MAGI2: variants seen among roughly 807,000 people sequenced by gnomAD.
MAGI2 encodes membrane associated guanylate kinase, WW and PDZ domain containing 2, also known as membrane-associated guanylate kinase, WW and PDZ domain-containing protein 2.
Under a neutral mutation model 133.3 loss-of-function variants are expected in MAGI2, and 35 were observed. The ratio of observed to expected loss-of-function variants is 0.26; its 90% CI spans 0.20 to 0.35. The LOEUF is 0.35. Among genes scored for constraint, MAGI2 ranks in the 10% least tolerant of loss-of-function variants. The pLI is 1.00. For missense variants in MAGI2, 1,636 were observed against 1,863.4 expected, an observed-to-expected ratio of 0.88 and a Z score of 2.25; for synonymous variants, 729 against 710.6, an observed-to-expected ratio of 1.03 and a Z score of -0.41.
At chr7:79,030,594 T>C (rs146294453) in intron 1 of MAGI2, among the ~76,000 whole-genome samples, 70 of 152,294 alleles carry the variant, frequency 4.6e-4, no homozygotes, top group South Asian at 1.7e-3. Flanking sequence ...TGCATGAACA[T>C]AGCAGGTGTT....
intron 1 of MAGI2, among the ~76,000 whole-genome samples, chr7:79,443,216 G>T (rs1848606561): frequency 6.6e-6 from 1 of 151,936 alleles, no homozygotes; most frequent in Non-Finnish European, 1.5e-5. Context: ...AGGTCTCTGT[G>T]AGCAGAGATG....
At chr7:78,134,870 A>C in intron 17 of MAGI2, 151 bp downstream of exon 17, 1 of 647,138 alleles carries the variant, frequency 1.5e-6, no homozygotes, top group Non-Finnish European at 2.6e-6. Context: ...GAGTTTTTGC[A>C]AAAGTGGAAA....
chr7:78,613,408 C>G (rs1048630812), intron 3 of MAGI2, among the ~76,000 whole-genome samples: 1 of 152,074 alleles, frequency 6.6e-6, no homozygotes, highest in African/African-American at 2.4e-5. Context: ...GAAGAAAAAA[C>G]ATATTAATTT....
Position 78,111,188 on chromosome 7 carries a change from C to T in MAGI2, c.3567+14506G>A, listed in dbSNP as rs569033392. Among the ~76,000 whole-genome samples, 8 of 152,228 alleles carry T rather than the reference C, an allele frequency of 5.3e-5. No homozygotes were observed. In the South Asian group the frequency reaches 6.2e-4, roughly 12 times the overall value. On this transcript the variant is annotated intron_variant, in intron 20 of 21. Transcript: ENST00000354212. The stretch of plus-strand genomic sequence containing the variant: ...TTCTCAGGCAAAGACAGAAAAATTA[C>T]GGTTAAGCTTAAAAGAGAAAATGAT...
rs575021552 is a variant in MAGI2 at position 78,108,737 on chromosome 7, C to T, written c.3567+16957G>A. Among the ~76,000 whole-genome samples the T allele has an allele frequency of 1.3e-4, 17 of 126,734 alleles. No homozygotes were observed. The South Asian group carries it at 4.5e-3, about 33-fold the overall frequency. 83.1% of individuals were successfully genotyped at this position (126,734 alleles called of 152,430 possible). Reference sequence around the variant, plus strand: ...GTATATATGTGTGTGTATACACACACATATGTGAGTGTATATACGTGAGTG... The same window carrying T: ...GTATATATGTGTGTGTATACACACATATATGTGAGTGTATATACGTGAGTG... On this transcript the variant is annotated intron_variant, in intron 20 of 21. Transcript: ENST00000354212.
intron 1 of MAGI2, among the ~76,000 whole-genome samples, chr7:79,348,653 A>G (rs1841483409): frequency 6.6e-6 from 1 of 151,616 alleles, no homozygotes; most frequent in Non-Finnish European, 1.5e-5. Context: ...CAAAAAGACG[A>G]GTTTTCTGCT....
chr7:78,251,699 C>G (rs1407762162), intron 10 of MAGI2: 2 of 152,080 alleles, frequency 1.3e-5, no homozygotes, highest in Non-Finnish European at 2.9e-5. Flanking sequence ...CAAACTGTTT[C>G]TGAGAGAAAT....
At chr7:78,787,106 C>G (rs1563505676) in intron 2 of MAGI2, among the ~76,000 whole-genome samples, 1 of 152,042 alleles carries the variant, frequency 6.6e-6, no homozygotes, top group African/African-American at 2.4e-5. Flanking sequence ...CACCACCAGG[C>G]CCAGCTAATT....
At chr7:79,213,521 G>T (rs1361109359) in intron 1 of MAGI2, among the ~76,000 whole-genome samples, 1 of 151,938 alleles carries the variant, frequency 6.6e-6, no homozygotes, top group African/African-American at 2.4e-5. Flanking sequence ...GATACATTTT[G>T]CCCATTTTAA....
chr7:78,433,947 G>A (rs115230886), intron 6 of MAGI2, among the ~76,000 whole-genome samples: 1,922 of 152,232 alleles, frequency 0.013, 27 homozygotes, highest in African/African-American at 0.04. Context: ...ATGAAGCATT[G>A]TACCACAGTC....
intron 9 of MAGI2, among the ~76,000 whole-genome samples, chr7:78,271,279 C>T (rs1794549354): frequency 6.6e-6 from 1 of 151,206 alleles, no homozygotes; most frequent in Non-Finnish European, 1.5e-5. Flanking sequence ...TTGATTGAAC[C>T]AGCCTTGCAT....
At chr7:79,175,199 G>T (rs1721749089) in intron 1 of MAGI2, among the ~76,000 whole-genome samples, 1 of 151,762 alleles carries the variant, frequency 6.6e-6, no homozygotes, top group Admixed American at 6.6e-5. Context: ...TTTTATATAT[G>T]TCCAAAAGAA....
chr7:78,504,676 C>A (rs141838988), intron 4 of MAGI2, among the ~76,000 whole-genome samples: 1 of 152,086 alleles, frequency 6.6e-6, no homozygotes, highest in Non-Finnish European at 1.5e-5. Context: ...ACTTTGAGAA[C>A]ATATCCTCTA....
chr7:78,901,554 C>G (rs1376530045), intron 2 of MAGI2: 1 of 152,128 alleles, frequency 6.6e-6, no homozygotes, highest in Non-Finnish European at 1.5e-5. Flanking sequence ...CAGAAATATT[C>G]AAGCAAGCAC....
At chr7:79,248,522 T>C (rs569811534) in intron 1 of MAGI2, among the ~76,000 whole-genome samples, 3 of 152,180 alleles carry the variant, frequency 2.0e-5, no homozygotes, top group East Asian at 3.9e-4. Flanking sequence ...AATGGACTTA[T>C]ATAGATATTT....
At chr7:78,882,115 A>AAAAAAAAAG (rs1795918606) in intron 2 of MAGI2, among the ~76,000 whole-genome samples, 2 of 93,732 alleles carry the variant, frequency 2.1e-5, no homozygotes, top group East Asian at 3.1e-4. Flanking sequence ...AAAAGAAAAG[A>AAAAAAAAAG]AAAACAAAAA....
chr7:78,971,231 G>A (rs1803760773), intron 2 of MAGI2, among the ~76,000 whole-genome samples: 1 of 151,990 alleles, frequency 6.6e-6, no homozygotes, highest in Admixed American at 6.6e-5. Flanking sequence ...CATATGGGAG[G>A]AGGGAGAAAT....
At chr7:78,597,034 T>C (rs914919325) in intron 3 of MAGI2, among the ~76,000 whole-genome samples, 2 of 152,132 alleles carry the variant, frequency 1.3e-5, no homozygotes, top group South Asian at 4.1e-4. Flanking sequence ...GAAAAAAAGT[T>C]GGAGAGCTGC....
At chr7:79,097,497 G>A (rs187051080) in intron 1 of MAGI2, among the ~76,000 whole-genome samples, 13 of 152,294 alleles carry the variant, frequency 8.5e-5, no homozygotes, top group Admixed American at 6.5e-4. Flanking sequence ...GTTAGGACAG[G>A]CAGCCAAGAA....
Sources: allele counts gnomAD v4.1 joint callset (sites outside exome capture counted in the v4.1 genomes callset), GRCh38; gene constraint gnomAD v4.1.1; transcripts MANE v1.5; gene names NCBI Gene and HGNC (gene_info 2026-07-23, HGNC 2026-07-21).